APTX: variants seen among roughly 807,000 people sequenced by gnomAD.
The protein encoded by APTX is aprataxin.
A neutral mutation model predicts 42.3 loss-of-function variants in APTX; 33 were observed. That is an observed-to-expected ratio of 0.78 (90% CI 0.59 to 1.04). APTX has a LOEUF of 1.04. APTX is among the 50% of genes least tolerant of loss of function. APTX has a pLI of 0.00. For missense variants in APTX, 421 were observed against 415.1 expected (o/e 1.01, Z -0.12); for synonymous variants, 130 against 146.7 (o/e 0.89, Z 0.82).
At chr9:33,016,299 C>G (rs1587662352) in intron 1 of APTX, 1 of 152,154 alleles carries the variant, frequency 6.6e-6, no homozygotes, top group Non-Finnish European at 1.5e-5. Flanking sequence ...AGCAGATACT[C>G]TCTCAATACA....
intron 1 of APTX, among the ~76,000 whole-genome samples, chr9:33,007,007 A>C (rs1011451427): frequency 6.8e-6 from 1 of 147,268 alleles, no homozygotes; most frequent in Non-Finnish European, 1.5e-5. Flanking sequence ...CTCAAAAAAA[A>C]AAAAAAAAAA....
chr9:32,988,325 C>T (rs1563969326), intron 2 of APTX, among the ~76,000 whole-genome samples, 196 bp from the exon 3 acceptor site: 1 of 152,120 alleles, frequency 6.6e-6, no homozygotes, highest in Non-Finnish European at 1.5e-5. Flanking sequence ...GGTTTAAATC[C>T]TTCCATAAAA....
rs150506419 is a variant in APTX at position 32,987,844 on chromosome 9, T to C, written c.183A>G (p.Val61=). The change falls in exon 4 of 8, where the codon GTA becomes GTG. Residue 61 remains valine, a splice_region_variant and synonymous_variant. Coordinates refer to ENST00000379817, the MANE Select transcript of APTX (RefSeq NM_001195248.2). ...CNKGYVKVKQ[V]GVNPTSIDSV... is the part of the protein sequence containing the mutation. ...AGTCAATGCTGGTGGGATTGACTCC[T>C]ACCTATGGAATAAACAATCAGAAAA... The C allele has an allele frequency of 1.5e-4, 247 of 1,612,990 alleles. No individual in the cohort carries two copies. Among genetic ancestry groups the C allele is most frequent in the Non-Finnish European group, 8.4e-5 (99 of 1,179,926 alleles).
chr9:33,019,957 C>A, intron 1 of APTX: 1 of 444,684 alleles, frequency 2.2e-6, no homozygotes, highest in Non-Finnish European at 4.1e-6. Context: ...ATATGTGCGG[C>A]CGCATTCCTG....
chr9:32,987,424 C>G, intron 4 of APTX, 120 bp downstream of exon 4: 2 of 1,341,512 alleles, frequency 1.5e-6, no homozygotes, highest in Non-Finnish European at 1.1e-6. Context: ...AAACAAGTGA[C>G]TCTTTCATCA....
chr9:32,991,205 C>A (rs566899609), intron 1 of APTX, among the ~76,000 whole-genome samples: 1 of 152,218 alleles, frequency 6.6e-6, no homozygotes, highest in East Asian at 1.9e-4. Context: ...GGATTACAGG[C>A]ATGAGCCACC....
intron 6 of APTX, among the ~76,000 whole-genome samples, chr9:32,982,689 C>T (rs1016674): frequency 0.63 from 95,746 of 151,940 alleles, 30,526 homozygotes; most frequent in East Asian, 0.86. Context: ...TTGCTGTGAG[C>T]ATTCTCCTTA....
Position 32,986,015 on chromosome 9 carries a change from A to G in APTX, c.499T>C (p.Trp167Arg). 1 of 1,475,050 alleles carries G rather than the reference A, an allele frequency of 6.8e-7. No homozygotes were observed. The highest frequency in any genetic ancestry group is 9.3e-7 in the Non-Finnish European group (1 of 1,072,934). 91.4% of individuals were successfully genotyped at this position (1,475,050 alleles called of 1,614,324 possible). ...APIKKESLGHWSQGLKISMQD... is the reference protein window; with the variant it reads ...APIKKESLGHRSQGLKISMQD... ...ATAGAAATCTTCAAGCCTTGACTCC[A>G]GTGGCCCAGGGATTCCTAAAAAAAA... The change falls in exon 5 of 8, where the codon TGG (tryptophan) becomes CGG (arginine). Residue 167 changes from tryptophan to arginine, a missense_variant. Physicochemically the swap from Trp to Arg is moderately radical, Grantham distance 101 (BLOSUM62 -3). Coordinates refer to ENST00000379817, the MANE Select transcript of APTX (RefSeq NM_001195248.2).
chr9:33,020,493 C>T (rs151138459), intron 1 of APTX, among the ~76,000 whole-genome samples: 27 of 152,342 alleles, frequency 1.8e-4, no homozygotes, highest in Non-Finnish European at 3.4e-4. Context: ...ATCCAACCTT[C>T]GCATTAGCAC....
rs139238086 is a variant in APTX, at chr9:32,992,204, T to C, written c.-4-2309A>G. Among the ~76,000 whole-genome samples the C allele has an allele frequency of 5.1e-4, 78 of 152,274 alleles. 1 individual carries two copies. Among genetic ancestry groups the C allele is most frequent in the African/African-American group, 1.8e-3 (75 of 41,558 alleles). The stretch of plus-strand genomic sequence containing the variant: ...TATAGTCAAGGCAGCACATATGCCC[T>C]CTGCACAAGTTTCATGTCCATAAGC... On this transcript the variant is annotated intron_variant, in intron 1 of 7. Transcript: ENST00000379817.
At chr9:33,000,350 G>C (rs908510441) in intron 1 of APTX, among the ~76,000 whole-genome samples, 6 of 152,184 alleles carry the variant, frequency 3.9e-5, no homozygotes, top group African/African-American at 1.4e-4. Context: ...ACTGCGGCTG[G>C]GCACAGTGGC....
chr9:32,985,361 T>C (rs1268286531), intron 5 of APTX, among the ~76,000 whole-genome samples: 1 of 142,730 alleles, frequency 7.0e-6, no homozygotes, highest in Non-Finnish European at 1.5e-5. Context: ...TGAGATGGAG[T>C]TTCGCTCTTG....
In APTX at chr9:33,019,672, T is replaced by G. The variant is rs117540060; in HGVS notation, c.-5+5351A>C. On this transcript the variant is annotated intron_variant, in intron 1 of 6. Coordinates refer to the APTX transcript ENST00000436040. ...CACTGCCTAGGAGGAGACGCAAGGT[T>G]AGACCTCGCCCCATTTTCCCAGGCC... The G allele has an allele frequency of 5.1e-4, 235 of 462,862 alleles. 1 individual carries two copies. In the East Asian group the frequency reaches 6.5e-3, roughly 13 times the overall value. 28.7% of individuals were successfully genotyped at this position (462,862 alleles called of 1,614,324 possible).
Position 32,974,504 on chromosome 9 carries a change from T to C in APTX, c.828A>G (p.Lys276=), listed in dbSNP as rs1403912732. The part of the protein sequence containing the change: ...QDFDSPCLKN[K]KHWNSFNTEY... ...CTGTATTGAAAGAATTCCAATGTTTTTTGTTTTTAAGGCAAGGAGAATCAA... is the reference window on the plus strand; with the variant it reads ...CTGTATTGAAAGAATTCCAATGTTTCTTGTTTTTAAGGCAAGGAGAATCAA... The change falls in exon 7 of 8, where the codon AAA becomes AAG. Residue 276 remains lysine, a synonymous_variant. Coordinates refer to ENST00000379817, the MANE Select transcript of APTX (RefSeq NM_001195248.2). 7 of 1,612,578 alleles carry C rather than the reference T, an allele frequency of 4.3e-6. No individual in the cohort carries two copies. In the East Asian group the frequency reaches 1.3e-4, roughly 31 times the overall value.
At chr9:33,001,532 A>G (rs535449788) in intron 1 of APTX, 35 bp downstream of exon 1, 2 of 1,613,416 alleles carry the variant, frequency 1.2e-6, no homozygotes, top group Admixed American at 1.7e-5. Context: ...CATTGAGCCC[A>G]GCCAGCAGAA....
Position 32,986,202 on chromosome 9 carries a change from C to T in APTX, c.484-172G>A, listed in dbSNP as rs569218246. On this transcript the variant is annotated intron_variant, in intron 4 of 7. Coordinates refer to ENST00000379817, the MANE Select transcript of APTX (RefSeq NM_001195248.2). Reference sequence around the variant, plus strand: ...AGATTCACTTGACTCTGCTTCACTCCATTGCCTTCCTATATTCTCTTTTTT... The same window carrying T: ...AGATTCACTTGACTCTGCTTCACTCTATTGCCTTCCTATATTCTCTTTTTT... The T allele has an allele frequency of 2.9e-5, 22 of 758,778 alleles. No homozygotes were observed. In the East Asian group the frequency reaches 5.4e-4, roughly 19 times the overall value. 47.0% of individuals were successfully genotyped at this position (758,778 alleles called of 1,614,324 possible). A position where few individuals can be genotyped will look rare whatever the true frequency, so the allele number is the denominator to read the frequency against.
intron 6 of APTX, among the ~76,000 whole-genome samples, chr9:32,978,727 G>A (rs1472909047): frequency 6.6e-6 from 1 of 152,162 alleles, no homozygotes; most frequent in Admixed American, 6.5e-5. Context: ...TTTATGGTAT[G>A]TATCCTCCCA....
intron 4 of APTX, 117 bp from the exon 5 acceptor site, chr9:32,986,147 G>A (rs1245606284): frequency 2.1e-6 from 2 of 952,440 alleles, no homozygotes; most frequent in Non-Finnish European, 3.4e-6. Flanking sequence ...ACTAAACTTG[G>A]AAATAAGCTT....
rs779376593 is a variant in APTX, at chr9:33,019,343, T to A, written c.-5+5680A>T. ...CAACAAATTGGTGCTACTCAAAAAA[T>A]AAATAAATAAATAAAAGTCTGGCCC... On this transcript the variant is annotated intron_variant, in intron 1 of 6. Transcript: ENST00000436040. Among the ~76,000 whole-genome samples, 30 of 152,034 alleles carry A rather than the reference T, an allele frequency of 2.0e-4. 1 individual carries two copies. Among genetic ancestry groups the A allele is most frequent in the Non-Finnish European group, 3.4e-4 (23 of 67,978 alleles).
Sources: gnomAD v4.1 joint callset for allele counts (sites outside exome capture counted in the v4.1 genomes callset) on GRCh38, gnomAD v4.1.1 for gene constraint, MANE v1.5 for transcripts, NCBI Gene and HGNC (gene_info 2026-07-23, HGNC 2026-07-21) for gene names.